Variants in LCK observed in about 807,000 individuals in gnomAD.
The protein encoded by LCK is LCK proto-oncogene, Src family tyrosine kinase, also known as tyrosine-protein kinase Lck.
A neutral mutation model predicts 64.6 loss-of-function variants in LCK; 14 were observed. The observed-to-expected ratio is 0.22, with a 90% CI of 0.14 to 0.34. The LOEUF is 0.34. LCK is among the 10% of genes least tolerant of loss of function. The probability of loss-of-function intolerance (pLI) is 1.00; values close to 1 mark genes in which losing one functional copy is unlikely to be tolerated. For synonymous variants in LCK, 277 were observed against 263.6 expected, an observed-to-expected ratio of 1.05 and a Z score of -0.49; for missense variants, 434 against 668.1, an observed-to-expected ratio of 0.65 and a Z score of 3.86.
intron 1 of LCK, among the ~76,000 whole-genome samples, chr1:32,267,648 C>A (rs982266681): frequency 6.6e-6 from 1 of 152,076 alleles, no homozygotes; most frequent in African/African-American, 2.4e-5. Context: ...GTAATCCCAG[C>A]ACTTTGAGAG....
chr1:32,270,692 CTTTTTTT>C (rs34689678), intron 1 of LCK, among the ~76,000 whole-genome samples: 2 of 96,794 alleles, frequency 2.1e-5, no homozygotes, highest in South Asian at 3.2e-4. Flanking sequence ...CGTGCCCGGA[CTTTTTTT>C]TTTTTTTTTT....
chr1:32,254,592 A>G (rs985439519), intron 1 of LCK, among the ~76,000 whole-genome samples: 9 of 152,144 alleles, frequency 5.9e-5, no homozygotes, highest in Non-Finnish European at 1.2e-4. Flanking sequence ...GGCTCACTGC[A>G]ACCTCCGTCT....
rs1639509172 is a variant in LCK, at chr1:32,251,713, C to T, written c.-6+342C>T. Among the ~76,000 whole-genome samples, 1 of 152,118 alleles carries T rather than the reference C, an allele frequency of 6.6e-6. No individual in the cohort carries two copies. The highest frequency in any genetic ancestry group is 2.4e-5 in the African/African-American group (1 of 41,416). On this transcript the variant is annotated intron_variant, in intron 1 of 12. Transcript: ENST00000336890. This position sits in a 1 kb window ranked among gnomAD's most constrained non-coding sequence, Gnocchi z 4.0. ...GGCCATGAGGATGAGGCTCCTGAGG[C>T]CCAGAGAGAACAAGGCACTCACTGC...
rs763803879 is a variant in LCK, at chr1:32,279,895, C to A, written c.1096C>A (p.Arg366=). 6.2e-7 allele frequency: 1 copy of A among 1,614,186 alleles called. No individual in the cohort carries two copies. Among genetic ancestry groups the A allele is most frequent in the African/African-American group, 1.3e-5 (1 of 75,048 alleles). Residue 366 remains arginine (R), a synonymous_variant, in exon 11 of 13, where the codon CGG becomes AGG. Coordinates refer to ENST00000336890, the MANE Select transcript of LCK (RefSeq NM_005356.5). The stretch of plus-strand genomic sequence containing the variant: ...GCGGAATTATATTCATCGTGACCTT[C>A]GGGCTGCCAACATTCTGGTGTCTGA... ...EERNYIHRDL[R]AANILVSDTL...
chr1:32,268,203 A>G (rs942546295), intron 1 of LCK, among the ~76,000 whole-genome samples: 43 of 152,258 alleles, frequency 2.8e-4, no homozygotes, highest in African/African-American at 8.7e-4. Context: ...CAAAAAAAAT[A>G]AAAAAGAAAA....
At chr1:32,272,573 A>AAGAGAGAGAGAGAAAG (rs1193101899) in intron 1 of LCK, among the ~76,000 whole-genome samples, 8 of 71,906 alleles carry the variant, frequency 1.1e-4, no homozygotes, top group Admixed American at 1.7e-4. Flanking sequence ...ACCCTGTCTC[A>AAGAGAGAGAGAGAAAG]AGAGAGAGAG....
At chr1:32,253,800 G>A (rs1235233021) in intron 1 of LCK, among the ~76,000 whole-genome samples, 1 of 152,064 alleles carries the variant, frequency 6.6e-6, no homozygotes, top group South Asian at 2.1e-4. Context: ...GACTCTGAGC[G>A]GGGCCATGGG....
In LCK at chr1:32,285,698, G is replaced by A. The variant is rs776741414; in HGVS notation, c.1512G>A (p.Gln504=). Residue 504 remains glutamine (Q), a synonymous_variant, in exon 13 of 13, where the codon CAG becomes CAA. Coordinates refer to ENST00000336890, the MANE Select transcript of LCK (RefSeq NM_005356.5). ...ACTTCTTCACGGCCACAGAGGGCCA[G>A]TACCAGCCTCAGCCTTGAGAGGCCT... ...LEDFFTATEG[Q]YQPQP is the part of the protein sequence containing the mutation. The A allele has an allele frequency of 3.1e-5, 50 of 1,605,926 alleles. No homozygotes were observed. Among genetic ancestry groups the A allele is most frequent in the Non-Finnish European group, 4.2e-5 (49 of 1,176,296 alleles).
intron 9 of LCK, among the ~76,000 whole-genome samples, chr1:32,279,194 T>C (rs975978516): frequency 2.6e-5 from 4 of 151,876 alleles, no homozygotes; most frequent in Non-Finnish European, 4.4e-5. Context: ...TTATGCCTGG[T>C]AGGATCTAGA....
intron 12 of LCK, among the ~76,000 whole-genome samples, chr1:32,282,184 A>G (rs1428870357): frequency 6.6e-6 from 1 of 152,200 alleles, no homozygotes; most frequent in Non-Finnish European, 1.5e-5. Context: ...GAAATACAGA[A>G]ATATTCTCCA....
intron 9 of LCK, among the ~76,000 whole-genome samples, chr1:32,278,424 C>T (rs1005756392): frequency 6.6e-6 from 1 of 151,894 alleles, no homozygotes; most frequent in Non-Finnish European, 1.5e-5. Flanking sequence ...CTTCAGCCTC[C>T]CCCTCCTGGG....
At chr1:32,283,823 GC>G (rs1471787763) in intron 12 of LCK, among the ~76,000 whole-genome samples, 1 of 152,088 alleles carries the variant, frequency 6.6e-6, no homozygotes, top group Admixed American at 6.6e-5. Context: ...CCTGCCCTGG[GC>G]CCTGACCATC....
chr1:32,266,475 C>G (rs1639911897), intron 1 of LCK, among the ~76,000 whole-genome samples: 1 of 144,304 alleles, frequency 6.9e-6, no homozygotes, highest in Non-Finnish European at 1.5e-5. Context: ...GCACTCCAGC[C>G]TGGGCAACAG....
intron 1 of LCK, among the ~76,000 whole-genome samples, chr1:32,255,392 C>G (rs1639605107): frequency 1.3e-5 from 2 of 152,202 alleles, no homozygotes; most frequent in South Asian, 4.1e-4. Context: ...ATACATATGT[C>G]AATGCAAATA....
intron 1 of LCK, among the ~76,000 whole-genome samples, chr1:32,270,103 T>C (rs1481187447): frequency 6.6e-6 from 1 of 152,158 alleles, no homozygotes; most frequent in East Asian, 1.9e-4. Flanking sequence ...ATTCTCTCTC[T>C]CTGTCTCTCT....
chr1:32,259,360 C>T (rs905053091), intron 1 of LCK, among the ~76,000 whole-genome samples: 22 of 151,060 alleles, frequency 1.5e-4, no homozygotes, highest in African/African-American at 5.1e-4. Context: ...TCATGCCACA[C>T]CTGTAATCCC....
chr1:32,260,732 C>T (rs1639746644), intron 1 of LCK, among the ~76,000 whole-genome samples: 1 of 152,130 alleles, frequency 6.6e-6, no homozygotes, highest in African/African-American at 2.4e-5. Context: ...AGCGATCCTC[C>T]TACCTTAACC....
At chr1:32,267,418 C>T (rs535525968) in intron 1 of LCK, among the ~76,000 whole-genome samples, 1 of 152,260 alleles carries the variant, frequency 6.6e-6, no homozygotes, top group Admixed American at 6.5e-5. Context: ...AAATGCACAC[C>T]ATGACATGAC....
chr1:32,272,824 G>A (rs1640134033), intron 1 of LCK, among the ~76,000 whole-genome samples: 1 of 149,500 alleles, frequency 6.7e-6, no homozygotes. Flanking sequence ...GTGTGGGTGT[G>A]TGGGGGTATC....
Sources: allele counts gnomAD v4.1 joint callset (sites outside exome capture counted in the v4.1 genomes callset), GRCh38; gene constraint gnomAD v4.1.1; non-coding constraint Gnocchi (gnomAD v3.1); transcripts MANE v1.5; gene names NCBI Gene and HGNC (gene_info 2026-07-23, HGNC 2026-07-21).